RSPH14: variants seen among roughly 807,000 people sequenced by gnomAD.
RSPH14 encodes radial spoke head 14 homolog.
A neutral mutation model predicts 26.7 loss-of-function variants in RSPH14; 20 were observed. That is an observed-to-expected ratio of 0.75 (90% CI 0.53 to 1.09). The LOEUF is 1.09. Ranked by LOEUF, RSPH14 falls within the 50% of genes least tolerant of loss-of-function variation. RSPH14 has a pLI of 0.00. For missense variants in RSPH14, 449 were observed against 457.2 expected, an observed-to-expected ratio of 0.98 and a Z score of 0.16; for synonymous variants, 177 against 189.3, an observed-to-expected ratio of 0.93 and a Z score of 0.53.
chr22:23,170,266 G>A, the RSPH14 span, among the ~76,000 whole-genome samples: 1 of 152,184 alleles, frequency 6.6e-6, no homozygotes, highest in Non-Finnish European at 1.5e-5. Context: ...GCCTGCCATA[G>A]TCTAGGTGGT....
chr22:23,156,143 A>G, the RSPH14 span: 2,620 of 912,724 alleles, frequency 2.9e-3, 9 homozygotes, highest in African/African-American at 5.4e-3. Context: ...TTTGTCCTCC[A>G]AGACCCACTG....
At chr22:23,105,726 A>G (rs5996468) in intron 4 of RSPH14, among the ~76,000 whole-genome samples, 16,883 of 152,272 alleles carry the variant, frequency 0.11, 3,019 homozygotes, top group African/African-American at 0.37. Flanking sequence ...ACACACCTGT[A>G]TCATGCTGTT....
intron 6 of RSPH14, among the ~76,000 whole-genome samples, chr22:23,060,043 G>A (rs1246147089): frequency 2.6e-5 from 4 of 152,186 alleles, no homozygotes; most frequent in Non-Finnish European, 5.9e-5. Context: ...TCCAGATGTA[G>A]TGACAGGTGC....
chr22:23,105,230 A>T (rs557167345), intron 4 of RSPH14, among the ~76,000 whole-genome samples: 3 of 152,350 alleles, frequency 2.0e-5, no homozygotes, highest in Admixed American at 2.0e-4. Context: ...ATCCTGACCA[A>T]GGGGGCCCAG....
In RSPH14 at chr22:23,064,271, A is replaced by T. The variant is rs373017834; in HGVS notation, c.422-138T>A. The stretch of plus-strand genomic sequence containing the variant: ...AAAAGGACTTGCAAGTGCCACCCCC[A>T]CACACACGTCCCGCCTGGCCAGGGG... On this transcript the variant is annotated intron_variant, in intron 4 of 6. Coordinates refer to ENST00000216036, the MANE Select transcript of RSPH14 (RefSeq NM_014433.3). 5.9e-5 allele frequency: 44 copies of T among 739,926 alleles called. No individual in the cohort carries two copies. The African/African-American group carries it at 6.4e-4, about 11-fold the overall frequency. The allele number at this position is 739,926 out of a possible 1,614,324, so 45.8% of individuals were successfully genotyped here. A position where few individuals can be genotyped will look rare whatever the true frequency, so the allele number is the denominator to read the frequency against.
At chr22:23,146,781 C>G, upstream of RSPH14, 1 of 1,507,528 alleles carries the variant, frequency 6.6e-7, no homozygotes. Context: ...GCAGGTGAAT[C>G]AAGGAGGTCT....
chr22:23,134,146 T>A lies in RSPH14; in HGVS notation c.303-2A>T. On this transcript the variant is annotated splice_acceptor_variant, in intron 3 of 6. Transcript: ENST00000216036. LOFTEE classifies it high-confidence loss of function. ...ATGTCGTGCTCTAGAAAGGCGTATC[T>A]AGGGAAGGGAGGGTGGACAGTGACA... 1.9e-6 allele frequency: 3 copies of A among 1,601,358 alleles called. No individual in the cohort carries two copies. The highest frequency in any genetic ancestry group is 2.6e-6 in the Non-Finnish European group (3 of 1,170,280).
chr22:23,145,678 C>A (rs1201293973), upstream of RSPH14: 8 of 1,163,026 alleles, frequency 6.9e-6, no homozygotes, highest in Non-Finnish European at 9.5e-6. Context: ...TTGAAAGCGG[C>A]CTGCGGCCCC....
intron 4 of RSPH14, among the ~76,000 whole-genome samples, chr22:23,108,908 G>A (rs748249188): frequency 1.2e-4 from 19 of 152,234 alleles, no homozygotes; most frequent in Non-Finnish European, 1.5e-4. Context: ...TTCGAGGCAG[G>A]AGACATGCTG....
chr22:23,145,600 G>A (rs765784196), upstream of RSPH14: 8 of 1,558,548 alleles, frequency 5.1e-6, no homozygotes, highest in East Asian at 1.8e-4. Flanking sequence ...ACCCAACCCC[G>A]TGCTGGCACA....
At chr22:23,130,542 G>GAAAGAAAGAAAGAA in intron 4 of RSPH14, among the ~76,000 whole-genome samples, 1 of 150,280 alleles carries the variant, frequency 6.7e-6, no homozygotes, top group African/African-American at 2.4e-5. Flanking sequence ...GAGAAAGAAG[G>GAAAGAAAGAAAGAA]AAAGAAGGAA....
the RSPH14 span, chr22:23,153,565 T>G: frequency 1.0e-5 from 10 of 985,158 alleles, no homozygotes; most frequent in Non-Finnish European, 1.2e-5. Context: ...ATGCCAGGCT[T>G]GGGCAAGGAG....
chr22:23,089,320 G>A (rs2068898379), intron 4 of RSPH14, among the ~76,000 whole-genome samples: 1 of 152,202 alleles, frequency 6.6e-6, no homozygotes, highest in African/African-American at 2.4e-5. Context: ...TTGTGGAGGA[G>A]GCCTTGAGCA....
At chr22:23,075,644 A>G (rs1235619095) in intron 4 of RSPH14, among the ~76,000 whole-genome samples, 1 of 152,214 alleles carries the variant, frequency 6.6e-6, no homozygotes, top group Non-Finnish European at 1.5e-5. Flanking sequence ...TAAAAGCCAC[A>G]GTGCAGGGAG....
At chr22:23,076,332 C>T (rs2068506674) in intron 4 of RSPH14, among the ~76,000 whole-genome samples, 1 of 152,196 alleles carries the variant, frequency 6.6e-6, no homozygotes, top group Non-Finnish European at 1.5e-5. Flanking sequence ...AATCGCCACC[C>T]AGGGAGTCGC....
intron 4 of RSPH14, among the ~76,000 whole-genome samples, chr22:23,099,480 C>T (rs906243150): frequency 2.6e-5 from 4 of 152,274 alleles, no homozygotes; most frequent in African/African-American, 9.6e-5. Context: ...CACAGCCCAG[C>T]AACACAAGGG....
At chr22:23,134,959 C>T (rs1043790480) in intron 3 of RSPH14, among the ~76,000 whole-genome samples, 1 of 151,356 alleles carries the variant, frequency 6.6e-6, no homozygotes, top group Admixed American at 6.6e-5. Flanking sequence ...ATCACTTGGG[C>T]CAGGAGTTCA....
the RSPH14 span, among the ~76,000 whole-genome samples, chr22:23,168,111 C>T: frequency 4.6e-5 from 7 of 152,306 alleles, no homozygotes; most frequent in Middle Eastern, 3.4e-3. Context: ...CTGGAGCCCC[C>T]TTTCTGGCCC....
chr22:23,087,658 ATGGGGG>A (rs765143697), intron 4 of RSPH14, among the ~76,000 whole-genome samples: 2 of 152,282 alleles, frequency 1.3e-5, no homozygotes, highest in Non-Finnish European at 2.9e-5. Context: ...AACTTGGTGG[ATGGGGG>A]GTAGCCAGTG....
Sources: gnomAD v4.1 joint callset for allele counts (sites outside exome capture counted in the v4.1 genomes callset) on GRCh38, gnomAD v4.1.1 for gene constraint, MANE v1.5 for transcripts, NCBI Gene and HGNC (gene_info 2026-07-23, HGNC 2026-07-21) for gene names.